NLRP4: variants seen among roughly 807,000 people sequenced by gnomAD.
NLRP4 encodes the protein NLR family pyrin domain containing 4.
A neutral mutation model predicts 84.7 loss-of-function variants in NLRP4; 44 were observed. The ratio of observed to expected loss-of-function variants is 0.52; its 90% CI spans 0.41 to 0.67. The LOEUF is 0.67. Ranked by LOEUF, NLRP4 falls within the 30% of genes least tolerant of loss-of-function variation. The pLI, the probability that NLRP4 is intolerant of heterozygous loss-of-function variation, is 0.00. For synonymous variants in NLRP4, 544 were observed against 476.4 expected, an observed-to-expected ratio of 1.14 and a Z score of -1.85; for missense variants, 1,260 against 1,219.4, an observed-to-expected ratio of 1.03 and a Z score of -0.50.
At chr19:55,871,535 G>A (rs1056049123) in intron 7 of NLRP4, among the ~76,000 whole-genome samples, 4 of 152,268 alleles carry the variant, frequency 2.6e-5, no homozygotes, top group South Asian at 2.1e-4. Flanking sequence ...CCCCTGTAGC[G>A]GCGGTGGCAG....
rs1555806406 is a variant in NLRP4 at position 55,840,344 on chromosome 19, A to ATGTGTATGTGTG, written c.-66+3415_-66+3416insATGTGTGTGTGT. The stretch of plus-strand genomic sequence containing the variant: ...TGTGTATAGACATATGTGTATGTGT[A>ATGTGTATGTGTG]TGTGTGTGTGTGTGTGTGTGTGTGT... On this transcript the variant is annotated intron_variant, in intron 1 of 9. Coordinates refer to ENST00000301295, the MANE Select transcript of NLRP4 (RefSeq NM_134444.5). 1.8e-4 allele frequency among the ~76,000 whole-genome samples: 22 copies of ATGTGTATGTGTG among 119,720 alleles called. No individual in the cohort carries two copies. The South Asian group carries it at 3.4e-3, about 19-fold the overall frequency. 78.5% of individuals were successfully genotyped at this position (119,720 alleles called of 152,430 possible).
intron 9 of NLRP4, among the ~76,000 whole-genome samples, chr19:55,879,744 C>T (rs1360033387): frequency 2.6e-5 from 4 of 152,064 alleles, no homozygotes; most frequent in African/African-American, 9.7e-5. Flanking sequence ...ATTTCTTGGG[C>T]TGGTTTTTGT....
rs561039499 is a variant in NLRP4, at chr19:55,855,951, G to C, written c.281-1723G>C. 3.1e-3 allele frequency among the ~76,000 whole-genome samples: 466 copies of C among 152,278 alleles called. 3 individuals carry two copies. Among genetic ancestry groups the C allele is most frequent in the Non-Finnish European group, 3.9e-3 (262 of 68,016 alleles). ...CCACGACAGCTATGATTCAGAAATCGGGAAGCTCACCAGTGTAGCAGCTGC... is the reference window on the plus strand; with the variant it reads ...CCACGACAGCTATGATTCAGAAATCCGGAAGCTCACCAGTGTAGCAGCTGC... On this transcript the variant is annotated intron_variant, in intron 2 of 9. Coordinates refer to ENST00000301295, the MANE Select transcript of NLRP4 (RefSeq NM_134444.5).
chr19:55,842,893 G>A (rs1034079778), intron 1 of NLRP4, among the ~76,000 whole-genome samples: 3 of 151,974 alleles, frequency 2.0e-5, no homozygotes, highest in African/African-American at 7.2e-5. Context: ...CCCAGTAGCT[G>A]AGACTACAGG....
At chr19:55,844,334 A>G (rs1247003245) in intron 1 of NLRP4, among the ~76,000 whole-genome samples, 1 of 151,718 alleles carries the variant, frequency 6.6e-6, no homozygotes, top group African/African-American at 2.4e-5. Flanking sequence ...CCCAGGCTGG[A>G]GTGCAGTGGC....
intron 2 of NLRP4, among the ~76,000 whole-genome samples, chr19:55,853,058 A>G (rs532012617): frequency 6.6e-6 from 1 of 152,372 alleles, no homozygotes; most frequent in South Asian, 2.1e-4. Context: ...ATTTAGCCAA[A>G]GTTCACATCA....
rs1202085959 is a variant in NLRP4, at chr19:55,850,798, C to T, written c.-65-1218C>T. 6.5e-5 allele frequency among the ~76,000 whole-genome samples: 8 copies of T among 123,728 alleles called. 3 individuals carry two copies. Among genetic ancestry groups the T allele is most frequent in the Non-Finnish European group, 9.8e-5 (6 of 61,314 alleles). 81.2% of individuals were successfully genotyped at this position (123,728 alleles called of 152,430 possible). ...GGCTGCGGTGTAATTCCCGAGGCTG[C>T]GGTGTAATTTCCGAGGCTGCGGTGT... On this transcript the variant is annotated intron_variant, in intron 1 of 9. Transcript: ENST00000301295.
At chr19:55,860,636 GA>G (rs1449270115) in intron 3 of NLRP4, among the ~76,000 whole-genome samples, 2 of 152,120 alleles carry the variant, frequency 1.3e-5, no homozygotes, top group Admixed American at 1.3e-4. Context: ...TACAGGTGAG[GA>G]AACTGGGGCA....
intron 7 of NLRP4, among the ~76,000 whole-genome samples, chr19:55,875,543 A>G (rs924675564): frequency 1.3e-5 from 2 of 152,222 alleles, no homozygotes; most frequent in Admixed American, 1.3e-4. Flanking sequence ...GGTATAAAAC[A>G]ATGTTATATT....
At chr19:55,847,166 C>T (rs1983830326) in intron 1 of NLRP4, among the ~76,000 whole-genome samples, 1 of 152,050 alleles carries the variant, frequency 6.6e-6, no homozygotes, top group African/African-American at 2.4e-5. Flanking sequence ...GGGGGGGCAG[C>T]AACATTCTGC....
chr19:55,870,677 AGAG>A, intron 6 of NLRP4, 147 bp from the exon 7 acceptor site: 1 of 589,920 alleles, frequency 1.7e-6, no homozygotes, highest in Non-Finnish European at 3.0e-6. Context: ...AGAATAAATG[AGAG>A]GAGGTGTTTT....
At chr19:55,879,635 C>G (rs1985510492) in intron 9 of NLRP4, among the ~76,000 whole-genome samples, 1 of 152,196 alleles carries the variant, frequency 6.6e-6, no homozygotes, top group South Asian at 2.1e-4. Context: ...GCTCTTTTCA[C>G]TGGCGCAGCT....
chr19:55,843,908 C>T (rs1322226698), intron 1 of NLRP4, among the ~76,000 whole-genome samples: 1 of 152,080 alleles, frequency 6.6e-6, no homozygotes, highest in Non-Finnish European at 1.5e-5. Context: ...CTTGTCCTCT[C>T]TTCTGTGCTT....
chr19:55,852,318 G>C lies in NLRP4; in HGVS notation c.238G>C (p.Asp80His), dbSNP rs1363666972. ...AACCTTAAGAATCTTTCAAAAGATG[G>C]ATAGAAAGGATCTCTGCATGAAGGT... ...NITLRIFQKM[D>H]RKDLCMKVMR... Residue 80 changes from aspartate to histidine, a missense_variant, in exon 2 of 10, where the codon GAT (aspartate) becomes CAT (histidine). Transcript: ENST00000301295. 6.2e-7 allele frequency: 1 copy of C among 1,606,852 alleles called. No homozygotes were observed. Among genetic ancestry groups the C allele is most frequent in the Admixed American group, 1.7e-5 (1 of 58,192 alleles).
chr19:55,858,518 C>G lies in NLRP4; in HGVS notation c.1125C>G (p.Phe375Leu), dbSNP rs373243158. Residue 375 changes from phenylalanine to leucine, a missense_variant, in exon 3 of 10, where the codon TTC becomes TTG. By Grantham distance (22) the Phe-to-Leu change is conservative. Transcript: ENST00000301295. The surrounding 1 kb of genome is among the most constrained non-coding windows in gnomAD (Gnocchi z 4.2). ...GCACTACCTCTGTGTACTCCTCTTT[C>G]GTCTTTAACCTGTTCACACCTGAGG... The part of the protein sequence containing the change: ...CQSTTSVYSS[F>L]VFNLFTPEGA... 5.0e-6 allele frequency: 8 copies of G among 1,614,058 alleles called. No homozygotes were observed. The African/African-American group carries it at 1.1e-4, about 22-fold the overall frequency.
In NLRP4 at chr19:55,878,905, A is replaced by G. The variant is rs934791865; in HGVS notation, c.2808A>G (p.Thr936=). The G allele has an allele frequency of 3.7e-6, 6 of 1,613,662 alleles. No homozygotes were observed. The highest frequency in any genetic ancestry group is 3.3e-5 in the Admixed American group (2 of 59,992). ...LNLTLNTLDH[T]GVVVLCEALR... ...TGACCTTGAACACCTTGGACCACAC[A>G]GGGGTGGTTGTACTCTGTGAGGCCC... The change falls in exon 9 of 10, where the codon ACA becomes ACG. Residue 936 remains threonine, a synonymous_variant. Coordinates refer to ENST00000301295, the MANE Select transcript of NLRP4 (RefSeq NM_134444.5).
chr19:55,867,114 T>C (rs527677335), intron 5 of NLRP4, among the ~76,000 whole-genome samples: 12 of 150,532 alleles, frequency 8.0e-5, no homozygotes, highest in Admixed American at 7.3e-4. Context: ...AGCATGCATA[T>C]AACTGAGACG....
intron 6 of NLRP4, 147 bp from the exon 7 acceptor site, chr19:55,870,679 AG>A: frequency 3.4e-6 from 2 of 594,240 alleles, no homozygotes; most frequent in Non-Finnish European, 5.9e-6. Context: ...AATAAATGAG[AG>A]GAGGTGTTTT....
chr19:55,854,283 A>G (rs1321888188), intron 2 of NLRP4, among the ~76,000 whole-genome samples: 1 of 152,048 alleles, frequency 6.6e-6, no homozygotes. Context: ...TGATTTCTTA[A>G]ATTTAGTTCA....
Sources: gnomAD v4.1 joint callset for allele counts (sites outside exome capture counted in the v4.1 genomes callset) on GRCh38, gnomAD v4.1.1 for gene constraint, Gnocchi (gnomAD v3.1) non-coding constraint, MANE v1.5 for transcripts, NCBI Gene and HGNC (gene_info 2026-07-23, HGNC 2026-07-21) for gene names.